The following TOR3A variants were observed in gnomAD, a reference collection of about 807,000 sequenced individuals.
TOR3A encodes torsin family 3 member A.
A neutral mutation model predicts 42.1 loss-of-function variants in TOR3A; 44 were observed. The observed-to-expected ratio is 1.04, with a 90% CI of 0.82 to 1.34. The LOEUF is 1.34. Ranked by LOEUF, TOR3A falls within the 40% of genes most tolerant of loss-of-function variation. The probability of loss-of-function intolerance (pLI) is 0.00; values close to 1 mark genes in which losing one functional copy is unlikely to be tolerated. For synonymous variants in TOR3A, 227 were observed against 213.2 expected (o/e 1.06, Z -0.57); for missense variants, 521 against 507.6 (o/e 1.03, Z -0.25).
chr1:179,090,780 C>T (rs1312066249), intron 4 of TOR3A, among the ~76,000 whole-genome samples: 6 of 152,148 alleles, frequency 3.9e-5, no homozygotes, highest in Admixed American at 3.9e-4. Flanking sequence ...GGAATGGGCT[C>T]ACGTGGCAGG....
intron 4 of TOR3A, among the ~76,000 whole-genome samples, chr1:179,092,199 G>C (rs1652608466): frequency 6.6e-6 from 1 of 152,208 alleles, no homozygotes; most frequent in Non-Finnish European, 1.5e-5. Flanking sequence ...GGCAGGGAGG[G>C]AGAGAACCAC....
At chr1:179,082,575 C>G in intron 1 of TOR3A, 188 bp downstream of exon 1, 2 of 878,766 alleles carry the variant, frequency 2.3e-6, no homozygotes, top group Non-Finnish European at 3.5e-6. Context: ...GCCCTTGCCC[C>G]ACCCGCGTCC....
chr1:179,095,063 GC>G lies in TOR3A; in HGVS notation c.1040del (p.Ala347AspfsTer6). The G allele has an allele frequency of 6.2e-7, 1 of 1,614,236 alleles. No individual in the cohort carries two copies. Among genetic ancestry groups the G allele is most frequent in the Non-Finnish European group, 8.5e-7 (1 of 1,180,044 alleles). On this transcript the variant is annotated frameshift_variant, in exon 6 of 6. Transcript: ENST00000367627. LOFTEE classifies it high-confidence loss of function. ...GGAGTACCGTCACGTGAGGCTGTGT[GC>G]ACGGGATGCCTTCCTGAGCCAGGAG... is the stretch of plus-strand genomic sequence containing the variant. ...PLEYRHVRLC[A>X]RDAFLSQELL...
chr1:179,094,228 G>C lies in TOR3A; in HGVS notation c.943+11G>C. 6.2e-7 allele frequency: 1 copy of C among 1,609,606 alleles called. No individual in the cohort carries two copies. The highest frequency in any genetic ancestry group is 1.1e-5 in the South Asian group (1 of 90,058). Reference sequence around the variant, plus strand: ...TTGTGGAGACCATAGGTGAGTAACTGACTCAATATGCCTCTGGTGAGAGCC... The same window carrying C: ...TTGTGGAGACCATAGGTGAGTAACTCACTCAATATGCCTCTGGTGAGAGCC... On this transcript the variant is annotated intron_variant, in intron 5 of 5. Coordinates refer to ENST00000367627, the MANE Select transcript of TOR3A (RefSeq NM_022371.4).
intron 4 of TOR3A, among the ~76,000 whole-genome samples, chr1:179,092,421 G>T (rs1006285964): frequency 1.3e-5 from 2 of 152,146 alleles, no homozygotes; most frequent in African/African-American, 4.8e-5. Context: ...CATTCTGCTG[G>T]ACCTGAGGAA....
chr1:179,082,383 C>T lies in TOR3A; in HGVS notation c.255C>T (p.Pro85=). The T allele has an allele frequency of 6.2e-7, 1 of 1,603,750 alleles. No homozygotes were observed. The highest frequency in any genetic ancestry group is 1.1e-5 in the South Asian group (1 of 90,118). ...CDEDEEAATG[P]LGWRLPLLGQ... The stretch of plus-strand genomic sequence containing the variant: ...AGGACGAGGAGGCAGCCACGGGGCC[C>T]CTGGGTAAGACCCCGTCCCCACGGT... Residue 85 remains proline (P), a synonymous_variant, in exon 1 of 6, where the codon CCC becomes CCT. Coordinates refer to ENST00000367627, the MANE Select transcript of TOR3A (RefSeq NM_022371.4).
At chr1:179,085,376 A>G (rs930701587) in intron 2 of TOR3A, 7 of 434,554 alleles carry the variant, frequency 1.6e-5, no homozygotes, top group African/African-American at 1.4e-4. Context: ...GTGAGCTGAG[A>G]TTGCGCCACT....
Position 179,085,469 on chromosome 1 carries a change from A to G in TOR3A, c.374-159A>G. The G allele has an allele frequency of 3.6e-6, 3 of 837,724 alleles. 1 individual carries two copies. Among genetic ancestry groups the G allele is most frequent in the South Asian group, 3.4e-5 (2 of 58,660 alleles). 51.9% of individuals were successfully genotyped at this position (837,724 alleles called of 1,614,324 possible). On this transcript the variant is annotated intron_variant, in intron 2 of 5. Coordinates refer to ENST00000367627, the MANE Select transcript of TOR3A (RefSeq NM_022371.4). The stretch of plus-strand genomic sequence containing the variant: ...GTAGTCCTTGAATCCCTTCTGCTAC[A>G]AAGTCTGCCCTCTGGCTTCTTATTC...
At chr1:179,088,567 T>G (rs1185997689) in intron 4 of TOR3A, 1 of 152,396 alleles carries the variant, frequency 6.6e-6, no homozygotes. Context: ...ACACGGCCAT[T>G]TCTTCCTTCA....
chr1:179,085,592 T>C, intron 2 of TOR3A, 36 bp from the exon 3 acceptor site: 1 of 1,606,198 alleles, frequency 6.2e-7, no homozygotes, highest in South Asian at 1.1e-5. Flanking sequence ...GGCCTGTGTG[T>C]GCCTTTTGCT....
Position 179,094,148 on chromosome 1 carries a change from T to C in TOR3A, c.874T>C (p.Trp292Arg). The C allele has an allele frequency of 6.2e-7, 1 of 1,614,002 alleles. No individual in the cohort carries two copies. Among genetic ancestry groups the C allele is most frequent in the Non-Finnish European group, 8.5e-7 (1 of 1,179,916 alleles). Residue 292 changes from tryptophan to arginine, a missense_variant, in exon 5 of 6, where the codon TGG becomes CGG. By Grantham distance (101) the Trp-to-Arg change is moderately radical. Coordinates refer to ENST00000367627, the MANE Select transcript of TOR3A (RefSeq NM_022371.4). The part of the protein sequence containing the change: ...EVVLKLLKAG[W>R]SREEITMEHL... Reference sequence around the variant, plus strand: ...GGTCCTAAAGTTGCTCAAGGCTGGATGGTCCCGGGAAGAAATTACGATGGA... The same window carrying C: ...GGTCCTAAAGTTGCTCAAGGCTGGACGGTCCCGGGAAGAAATTACGATGGA...
chr1:179,088,804 G>A (rs572885581), intron 4 of TOR3A, among the ~76,000 whole-genome samples: 10 of 152,274 alleles, frequency 6.6e-5, no homozygotes, highest in Non-Finnish European at 7.4e-5. Context: ...ATCTTTTTGC[G>A]GAGGCTCCAA....
At chr1:179,084,065 A>G (rs1557886683) in intron 2 of TOR3A, among the ~76,000 whole-genome samples, 1 of 152,146 alleles carries the variant, frequency 6.6e-6, no homozygotes, top group Non-Finnish European at 1.5e-5. Context: ...CTAGGTAGCA[A>G]TTAGCAAGTT....
At position 179,088,053 on chromosome 1, in the gene TOR3A, G is replaced by A. The variant is rs1652483464; in HGVS notation, c.782G>A (p.Arg261Lys). 1.9e-6 allele frequency: 3 copies of A among 1,609,874 alleles called. No individual in the cohort carries two copies. The highest frequency in any genetic ancestry group is 1.7e-6 in the Non-Finnish European group (2 of 1,178,418). The change falls in exon 4 of 6, where the codon AGG becomes AAG. Residue 261 changes from arginine (R) to lysine (K), a missense_variant. Arg to Lys is a conservative substitution (Grantham distance 26, BLOSUM62 2). Coordinates refer to ENST00000367627, the MANE Select transcript of TOR3A (RefSeq NM_022371.4). The stretch of plus-strand genomic sequence containing the variant: ...GAACGCCGGGCCCCTGAGGGCCACA[G>A]GGCTGAGTCTCCATGGACTATCTTT... ...HLERRAPEGHRAESPWTIFLF... is the reference protein window; with the variant it reads ...HLERRAPEGHKAESPWTIFLF...
chr1:179,082,825 T>C (rs1271121879), intron 1 of TOR3A, 115 bp from the exon 2 acceptor site: 2 of 774,522 alleles, frequency 2.6e-6, no homozygotes, highest in Admixed American at 4.0e-5. Flanking sequence ...GGCTGGGAGT[T>C]AGAATCTGAG....
intron 4 of TOR3A, among the ~76,000 whole-genome samples, chr1:179,092,312 A>AT (rs1652612621): frequency 6.6e-6 from 1 of 152,192 alleles, no homozygotes; most frequent in Non-Finnish European, 1.5e-5. Flanking sequence ...GGTAGGTGTC[A>AT]TGGGGGCTTT....
At position 179,085,578 on chromosome 1, in the gene TOR3A, G is replaced by A. The variant is rs747865110; in HGVS notation, c.374-50G>A. ...TTCTTGGCTGTTGGCTGTTGTGGTG[G>A]ATGGGCCTGTGTGTGCCTTTTGCTG... On this transcript the variant is annotated intron_variant, in intron 2 of 5. Transcript: ENST00000367627. 21 of 1,597,194 alleles carry A rather than the reference G, an allele frequency of 1.3e-5. No individual in the cohort carries two copies. The South Asian group carries it at 1.3e-4, about 10-fold the overall frequency.
rs1652699436 is a variant in TOR3A, at chr1:179,095,130, T to C, written c.1106T>C (p.Met369Thr). 6.2e-7 allele frequency: 1 copy of C among 1,613,958 alleles called. No homozygotes were observed. The highest frequency in any genetic ancestry group is 8.5e-7 in the Non-Finnish European group (1 of 1,179,984). The change falls in exon 6 of 6, where the codon ATG becomes ACG. Residue 369 changes from methionine to threonine, a missense_variant. Transcript: ENST00000367627. ...GAGACACTGGATGAAATAGCCCAGA[T>C]GATGGTGTATGTCCCCAAGGAGGAA... ...KEETLDEIAQ[M>T]MVYVPKEEQL...
At chr1:179,084,149 G>A (rs933653669) in intron 2 of TOR3A, among the ~76,000 whole-genome samples, 1 of 152,182 alleles carries the variant, frequency 6.6e-6, no homozygotes, top group African/African-American at 2.4e-5. Flanking sequence ...GCGGATTGGA[G>A]ACCCCTCCTA....
Sources: allele counts gnomAD v4.1 joint callset (sites outside exome capture counted in the v4.1 genomes callset), GRCh38; gene constraint gnomAD v4.1.1; transcripts MANE v1.5; gene names NCBI Gene and HGNC (gene_info 2026-07-23, HGNC 2026-07-21).